Variants in CALN1 observed in about 807,000 individuals in gnomAD.
CALN1 encodes the protein calcium-binding protein 8.
A neutral mutation model predicts 30.6 loss-of-function variants in CALN1; 17 were observed. The observed-to-expected ratio is 0.56, with a 90% confidence interval of 0.38 to 0.83. The LOEUF (loss-of-function observed/expected upper bound fraction) is 0.83. Ranked by LOEUF, CALN1 falls within the 40% of genes least tolerant of loss-of-function variation. The probability of loss-of-function intolerance (pLI) is 0.00; values close to 1 mark genes in which losing one functional copy is unlikely to be tolerated. For synonymous variants in CALN1, 156 were observed against 131.4 expected (o/e 1.19, Z -1.28); for missense variants, 291 against 354.9 (o/e 0.82, Z 1.45).
intron 4 of CALN1, among the ~76,000 whole-genome samples, chr7:72,074,752 C>G (rs1804622014): frequency 6.6e-6 from 1 of 152,112 alleles, no homozygotes; most frequent in Non-Finnish European, 1.5e-5. Flanking sequence ...AGATTCAGTG[C>G]CCTGACAACC....
chr7:72,172,993 T>TC (rs1178722552), intron 3 of CALN1, among the ~76,000 whole-genome samples: 2 of 152,198 alleles, frequency 1.3e-5, no homozygotes, highest in African/African-American at 4.8e-5. Context: ...TAAATATCTT[T>TC]TTTTTTTGAA....
intron 4 of CALN1, among the ~76,000 whole-genome samples, chr7:72,104,453 T>C (rs547469924): frequency 6.6e-6 from 1 of 152,122 alleles, no homozygotes; most frequent in Non-Finnish European, 1.5e-5. Flanking sequence ...GTTTGTTAGA[T>C]AGGTAAACAT....
At chr7:71,972,217 C>T (rs955691661) in intron 5 of CALN1, among the ~76,000 whole-genome samples, 3 of 152,096 alleles carry the variant, frequency 2.0e-5, no homozygotes, top group Admixed American at 1.3e-4. Context: ...GGTCCACAGG[C>T]CCAAAGCTTA....
At chr7:72,456,810 T>C in the CALN1 span, among the ~76,000 whole-genome samples, 4 of 151,806 alleles carry the variant, frequency 2.6e-5, no homozygotes, top group Non-Finnish European at 5.9e-5. Context: ...TGTTCCACTG[T>C]ACTCCAGCCT....
intron 5 of CALN1, among the ~76,000 whole-genome samples, chr7:72,023,267 G>A (rs1194952002): frequency 6.6e-6 from 1 of 152,170 alleles, no homozygotes; most frequent in East Asian, 1.9e-4. Flanking sequence ...TTAAGTGCAA[G>A]GATATTGACG....
chr7:72,369,359 T>TTG (rs1554390884), intron 2 of CALN1, among the ~76,000 whole-genome samples: 1 of 146,714 alleles, frequency 6.8e-6, no homozygotes, highest in Non-Finnish European at 1.5e-5. Context: ...TATTTATTTT[T>TTG]TTGTTGTTGT....
chr7:72,231,462 C>G (rs903300209), intron 3 of CALN1, among the ~76,000 whole-genome samples: 2 of 152,170 alleles, frequency 1.3e-5, no homozygotes, highest in African/African-American at 4.8e-5. Flanking sequence ...AGGACAGGAT[C>G]TCATTCTTTT....
At position 72,347,895 on chromosome 7, in the gene CALN1, G is replaced by A. The variant is rs562178114; in HGVS notation, c.119+55356C>T. On this transcript the variant is annotated intron_variant, in intron 2 of 6. Transcript: ENST00000395275. ...TATAATCCCAGCACTTTGGGAGGCT[G>A]AGGAGGGTGGATCACTTGAGAGGTC... Among the ~76,000 whole-genome samples, 10 of 152,250 alleles carry A rather than the reference G, an allele frequency of 6.6e-5. No homozygotes were observed. In the South Asian group the frequency reaches 2.1e-3, roughly 32 times the overall value.
intron 5 of CALN1, among the ~76,000 whole-genome samples, chr7:71,962,394 C>T (rs1797293066): frequency 6.6e-6 from 1 of 152,080 alleles, no homozygotes; most frequent in South Asian, 2.1e-4. Context: ...AAGAGAGAGA[C>T]CCAGCCTCCA....
intron 3 of CALN1, among the ~76,000 whole-genome samples, chr7:72,110,569 C>T (rs1807494931): frequency 6.6e-6 from 1 of 151,920 alleles, no homozygotes; most frequent in Non-Finnish European, 1.5e-5. Context: ...GCATAGGGAG[C>T]TCCTGGCTCC....
intron 2 of CALN1, among the ~76,000 whole-genome samples, chr7:72,348,038 A>G (rs1428973892): frequency 2.0e-5 from 3 of 152,082 alleles, no homozygotes; most frequent in Admixed American, 6.5e-5. Flanking sequence ...GGCTGAGGCA[A>G]GAAAATTGCT....
chr7:72,404,322 G>A (rs973014027), intron 1 of CALN1, among the ~76,000 whole-genome samples: 3 of 152,186 alleles, frequency 2.0e-5, no homozygotes, highest in Non-Finnish European at 2.9e-5. Context: ...CCCAGGCAGG[G>A]ACAACCTTAA....
At chr7:72,499,159 T>C in the CALN1 span, among the ~76,000 whole-genome samples, 1 of 152,132 alleles carries the variant, frequency 6.6e-6, no homozygotes, top group Non-Finnish European at 1.5e-5. Flanking sequence ...GCCTCCCTAG[T>C]AGCTGGGATT....
At chr7:72,315,667 TG>T (rs1800392435) in intron 2 of CALN1, among the ~76,000 whole-genome samples, 1 of 151,740 alleles carries the variant, frequency 6.6e-6, no homozygotes, top group East Asian at 1.9e-4. Flanking sequence ...ACCATACCAC[TG>T]TATTCCAGCC....
At chr7:72,140,330 AGAAGGAAG>A (rs879296354) in intron 3 of CALN1, among the ~76,000 whole-genome samples, 4,848 of 96,202 alleles carry the variant, frequency 0.05, 243 homozygotes, top group East Asian at 0.11. Flanking sequence ...AGAGAAAGGG[AGAAGGAAG>A]GAAGGGAGGG....
chr7:72,219,205 T>A (rs2129549143), intron 3 of CALN1, among the ~76,000 whole-genome samples: 1 of 152,230 alleles, frequency 6.6e-6, no homozygotes, highest in South Asian at 2.1e-4. Context: ...CAGCTGTAAC[T>A]GAGTCAAATG....
chr7:72,233,572 A>G (rs1317806303), intron 3 of CALN1, among the ~76,000 whole-genome samples: 2 of 152,158 alleles, frequency 1.3e-5, no homozygotes, highest in Admixed American at 1.3e-4. Flanking sequence ...CAGAAACATT[A>G]GCCAGGAGTG....
At chr7:72,122,543 C>T (rs1008708189) in intron 3 of CALN1, among the ~76,000 whole-genome samples, 1 of 152,058 alleles carries the variant, frequency 6.6e-6, no homozygotes, top group South Asian at 2.1e-4. Context: ...TCGAGACTAA[C>T]CTGGGCAACT....
At chr7:72,117,429 C>T (rs912393107) in intron 3 of CALN1, among the ~76,000 whole-genome samples, 5 of 152,094 alleles carry the variant, frequency 3.3e-5, no homozygotes, top group African/African-American at 1.2e-4. Flanking sequence ...TATGTTATTA[C>T]CTTAAGACAC....
Sources: allele counts gnomAD v4.1 joint callset (sites outside exome capture counted in the v4.1 genomes callset), GRCh38; gene constraint gnomAD v4.1.1; transcripts MANE v1.5; gene names NCBI Gene and HGNC (gene_info 2026-07-23, HGNC 2026-07-21).